Variants in LAMA4 observed in about 807,000 individuals in gnomAD.
LAMA4 encodes the protein laminin subunit alpha-4.
In LAMA4, 127 loss-of-function variants were observed where a neutral mutation model predicts 207.1. The ratio of observed to expected loss-of-function variants is 0.61; its 90% confidence interval spans 0.53 to 0.71. LAMA4 has a LOEUF of 0.71. Ranked by LOEUF, LAMA4 falls within the 30% of genes least tolerant of loss-of-function variation. The pLI is 0.00. For synonymous variants in LAMA4, 761 were observed against 816.0 expected (o/e 0.93, Z 1.15); for missense variants, 2,093 against 2,246.5 (o/e 0.93, Z 1.38).
intron 4 of LAMA4, among the ~76,000 whole-genome samples, chr6:112,204,430 G>C (rs1554353468): frequency 6.6e-6 from 1 of 150,682 alleles, no homozygotes; most frequent in East Asian, 2.0e-4. Context: ...AGCATAATTA[G>C]AAAGAACCAT....
chr6:112,188,043 C>T (rs1034699731), intron 7 of LAMA4, among the ~76,000 whole-genome samples: 17 of 152,162 alleles, frequency 1.1e-4, no homozygotes, highest in Admixed American at 6.5e-5. Context: ...TCACTTTTCA[C>T]ATTTGAGTTC....
Position 112,139,251 on chromosome 6 carries a change from A to G in LAMA4, c.3151T>C (p.Phe1051Leu). ...ACGGCATAACCGGAGCCATCGAAGAAGTAACTGGCAGCCCGACTCTGAGTG... is the reference window on the plus strand; with the variant it reads ...ACGGCATAACCGGAGCCATCGAAGAGGTAACTGGCAGCCCGACTCTGAGTG... ...AFTQSRAASY[F>L]FDGSGYAVVR... The change falls in exon 24 of 39, where the codon TTC (phenylalanine) becomes CTC (leucine). Residue 1051 changes from phenylalanine (F) to leucine (L), a missense_variant. By Grantham distance (22) the Phe-to-Leu change is conservative (BLOSUM62 0). Coordinates refer to ENST00000230538, the MANE Select transcript of LAMA4 (RefSeq NM_001105206.3). 1 of 1,614,190 alleles carries G rather than the reference A, an allele frequency of 6.2e-7. No homozygotes were observed. The highest frequency in any genetic ancestry group is 8.5e-7 in the Non-Finnish European group (1 of 1,180,016).
At chr6:112,150,957 T>C (rs1455240978) in intron 16 of LAMA4, among the ~76,000 whole-genome samples, 2 of 152,220 alleles carry the variant, frequency 1.3e-5, no homozygotes, top group Non-Finnish European at 2.9e-5. Context: ...TCTCTCTCTC[T>C]ACATATATGT....
Position 112,129,947 on chromosome 6 carries a change from G to T in LAMA4, c.4062C>A (p.Tyr1354Ter). Reference protein sequence around the residue: ...EQTQASEKKFYFGGSPISAQY... With the variant: ...EQTQASEKKF ...GAGCACTGATTGGTGAGCCACCGAA[G>T]TAAAACTTCTTTTCACTTGCTTGTG... The change falls in exon 30 of 39, where the codon TAC becomes TAA. Residue 1354 changes from tyrosine (Y) to a stop codon, truncating the protein, a stop_gained. Coordinates refer to ENST00000230538, the MANE Select transcript of LAMA4 (RefSeq NM_001105206.3). LOFTEE classifies it high-confidence loss of function. The T allele has an allele frequency of 1.2e-6, 2 of 1,613,252 alleles. No individual in the cohort carries two copies. The highest frequency in any genetic ancestry group is 1.7e-6 in the Non-Finnish European group (2 of 1,179,534).
At chr6:112,166,778 A>G (rs1368422446) in intron 12 of LAMA4, among the ~76,000 whole-genome samples, 1 of 152,268 alleles carries the variant, frequency 6.6e-6, no homozygotes, top group Non-Finnish European at 1.5e-5. Flanking sequence ...GTCAACTTGA[A>G]CAAAGTAAAA....
At chr6:112,144,114 T>A (rs966263638) in intron 19 of LAMA4, among the ~76,000 whole-genome samples, 2 of 152,162 alleles carry the variant, frequency 1.3e-5, no homozygotes, top group Non-Finnish European at 2.9e-5. Flanking sequence ...TTAAAAAAAT[T>A]CAAGAGGTCC....
intron 2 of LAMA4, among the ~76,000 whole-genome samples, chr6:112,252,598 T>C (rs1787536477): frequency 6.6e-6 from 1 of 152,208 alleles, no homozygotes; most frequent in Non-Finnish European, 1.5e-5. Flanking sequence ...CATTCATTAT[T>C]TATCTGAAAT....
In LAMA4 at chr6:112,185,256, A is replaced by G. The variant is rs1248550173; in HGVS notation, c.1058T>C (p.Val353Ala). The G allele has an allele frequency of 3.7e-6, 6 of 1,606,644 alleles. No homozygotes were observed. The African/African-American group carries it at 5.4e-5, about 14-fold the overall frequency. The change falls in exon 9 of 39, where the codon GTA becomes GCA. Residue 353 changes from valine (V) to alanine (A), a missense_variant. By Grantham distance (64) the Val-to-Ala change is moderately conservative (BLOSUM62 0). Transcript: ENST00000230538. The stretch of plus-strand genomic sequence containing the variant: ...ACGTACCTTTTCAACTAATTCCTCT[A>G]CGTCAGACAGAAGGCTTTTCATCGT... ...ENTMKSLLSD[V>A]EELVEKENQA...
At chr6:112,115,131 G>A (rs1012870772) in intron 36 of LAMA4, among the ~76,000 whole-genome samples, 8 of 152,212 alleles carry the variant, frequency 5.3e-5, no homozygotes, top group East Asian at 3.9e-4. Flanking sequence ...CAGTTTTCTC[G>A]TTTGTAAATT....
In LAMA4 at chr6:112,172,124, G is replaced by A. The variant is rs539470983; in HGVS notation, c.1551+487C>T. ...CCCCATGAGATGACCATCTTTGCAA[G>A]CTATGATCACATCTGGGAATCCTCC... On this transcript the variant is annotated intron_variant, in intron 12 of 38. Coordinates refer to ENST00000230538, the MANE Select transcript of LAMA4 (RefSeq NM_001105206.3). 62 of 181,326 alleles carry A rather than the reference G, an allele frequency of 3.4e-4. 1 individual carries two copies. The South Asian group carries it at 4.7e-3, about 14-fold the overall frequency. The allele number at this position is 181,326 out of a possible 1,614,324, so 11.2% of individuals were successfully genotyped here.
At chr6:112,133,017 G>T (rs1779131265) in intron 27 of LAMA4, 127 bp from the exon 28 acceptor site, 2 of 1,019,350 alleles carry the variant, frequency 2.0e-6, no homozygotes, top group Non-Finnish European at 1.5e-6. Context: ...CCCACTTCTG[G>T]TCTATGTTGG....
At chr6:112,143,242 GAGTGCAGC>G (rs1167383867) in intron 19 of LAMA4, among the ~76,000 whole-genome samples, 2 of 151,782 alleles carry the variant, frequency 1.3e-5, no homozygotes, top group Non-Finnish European at 2.9e-5. Context: ...CAAATGACTG[GAGTGCAGC>G]TGTCCTATGT....
At chr6:112,216,339 C>A in intron 3 of LAMA4, 29 bp downstream of exon 3, 2 of 1,385,808 alleles carry the variant, frequency 1.4e-6, no homozygotes, top group Non-Finnish European at 2.1e-6. Context: ...CAGTGAAGTA[C>A]GTGAAGTGTT....
At chr6:112,172,845 C>G in intron 11 of LAMA4, 41 bp from the exon 12 acceptor site, 1 of 1,546,828 alleles carries the variant, frequency 6.5e-7, no homozygotes, top group Non-Finnish European at 8.9e-7. Context: ...TGGCTTTCTC[C>G]TGTTCGCTTC....
intron 13 of LAMA4, among the ~76,000 whole-genome samples, chr6:112,161,380 G>T (rs960919047): frequency 2.0e-5 from 3 of 152,146 alleles, no homozygotes; most frequent in African/African-American, 4.8e-5. Context: ...AGTACAAAGG[G>T]TTTACTTTTA....
chr6:112,110,583 C>G (rs1328993122), intron 38 of LAMA4, among the ~76,000 whole-genome samples: 1 of 152,108 alleles, frequency 6.6e-6, no homozygotes, highest in Non-Finnish European at 1.5e-5. Flanking sequence ...TGGAAGGGGC[C>G]TGAGAGATCA....
At chr6:112,194,556 CT>C (rs1209656997) in intron 5 of LAMA4, among the ~76,000 whole-genome samples, 4 of 152,260 alleles carry the variant, frequency 2.6e-5, no homozygotes, top group African/African-American at 9.6e-5. Context: ...CAAAAGTTTA[CT>C]TATGATAGTC....
chr6:112,120,494 A>G, intron 32 of LAMA4, 22 bp from the exon 33 acceptor site: 1 of 1,575,182 alleles, frequency 6.3e-7, no homozygotes. Flanking sequence ...AAAGAAAGGG[A>G]TTACCATATG....
At chr6:112,154,344 A>G (rs1271015448) in intron 16 of LAMA4, among the ~76,000 whole-genome samples, 1 of 139,410 alleles carries the variant, frequency 7.2e-6, no homozygotes, top group African/African-American at 2.7e-5. Flanking sequence ...TAACCTATGT[A>G]GAACACAAAC....
Sources: gnomAD v4.1 joint callset for allele counts (sites outside exome capture counted in the v4.1 genomes callset) on GRCh38, gnomAD v4.1.1 for gene constraint, MANE v1.5 for transcripts, NCBI Gene and HGNC (gene_info 2026-07-23, HGNC 2026-07-21) for gene names.